Variants in HERC2 observed in about 807,000 individuals in gnomAD.
The protein encoded by HERC2 is E3 ubiquitin-protein ligase HERC2.
Under a neutral mutation model 537.7 loss-of-function variants are expected in HERC2, and 102 were observed. The ratio of observed to expected loss-of-function variants is 0.19; its 90% confidence interval spans 0.16 to 0.22. The LOEUF (loss-of-function observed/expected upper bound fraction) is 0.22, where lower values mean the gene tolerates loss of function less well. Ranked by LOEUF, HERC2 falls within the 10% of genes least tolerant of loss-of-function variation. The probability of loss-of-function intolerance (pLI) is 1.00; values close to 1 mark genes in which losing one functional copy is unlikely to be tolerated. For missense variants in HERC2, 4,236 were observed against 6,198.2 expected (o/e 0.68, Z 10.63); for synonymous variants, 2,224 against 2,466.2 (o/e 0.90, Z 2.91).
intron 35 of HERC2, among the ~76,000 whole-genome samples, chr15:28,225,005 T>A (rs1442681297): frequency 6.6e-6 from 1 of 152,204 alleles, no homozygotes; most frequent in Non-Finnish European, 1.5e-5. Context: ...GAAGGGGCAA[T>A]TATACTATGA....
chr15:28,226,199 G>T (rs1050444173), intron 35 of HERC2, among the ~76,000 whole-genome samples: 7 of 152,186 alleles, frequency 4.6e-5, no homozygotes, highest in African/African-American at 1.7e-4. Flanking sequence ...TGTTAAGATG[G>T]CACTATTCCC....
rs528934685 is a variant in HERC2, at chr15:28,305,958, C to G, written c.73-6442G>C. ...ATCATCACTGGCCATCAGAGAAATGCAAATCAAAACCACTATGAGATACCA... is the reference window on the plus strand; with the variant it reads ...ATCATCACTGGCCATCAGAGAAATGGAAATCAAAACCACTATGAGATACCA... On this transcript the variant is annotated intron_variant, in intron 2 of 92. Coordinates refer to ENST00000261609, the MANE Select transcript of HERC2 (RefSeq NM_004667.6). Among the ~76,000 whole-genome samples, 12 of 152,284 alleles carry G rather than the reference C, an allele frequency of 7.9e-5. No individual in the cohort carries two copies. In the South Asian group the frequency reaches 2.5e-3, roughly 32 times the overall value.
rs78497478 is a variant in HERC2 at position 28,314,864 on chromosome 15, A to G, written c.72+6498T>C. On this transcript the variant is annotated intron_variant, in intron 2 of 92. Transcript: ENST00000261609. ...CAACAGAGCAAGACTCCCTCTCAGG[A>G]AAAAAAAAAAAAAAATCATATGTCA... 3.0e-4 allele frequency among the ~76,000 whole-genome samples: 5 copies of G among 16,696 alleles called. No homozygotes were observed. The Non-Finnish European group carries it at 8.7e-3, about 29-fold the overall frequency. 11.0% of individuals were successfully genotyped at this position (16,696 alleles called of 152,430 possible).
chr15:28,111,588 C>A lies in HERC2; in HGVS notation c.*175G>T. 1.5e-6 allele frequency: 1 copy of A among 651,546 alleles called. No homozygotes were observed. The highest frequency in any genetic ancestry group is 2.0e-5 in the South Asian group (1 of 51,142). The allele number at this position is 651,546 out of a possible 1,614,324, so 40.4% of individuals were successfully genotyped here. On this transcript the variant is annotated 3_prime_UTR_variant, in exon 93 of 93. Coordinates refer to ENST00000261609, the MANE Select transcript of HERC2 (RefSeq NM_004667.6). ...GTCCACAGTGTTCCACGCGCACAGG[C>A]GGACCTTCTCACTGTCATTCCCATC...
At chr15:28,310,248 C>A (rs143659671) in intron 2 of HERC2, among the ~76,000 whole-genome samples, 1 of 152,220 alleles carries the variant, frequency 6.6e-6, no homozygotes. Context: ...GAGTACAAGA[C>A]CAGCCTGAAC....
chr15:28,149,303 G>C lies in HERC2; in HGVS notation c.10901-2959C>G, dbSNP rs565476022. Among the ~76,000 whole-genome samples, 3 of 147,536 alleles carry C rather than the reference G, an allele frequency of 2.0e-5. No homozygotes were observed. In the South Asian group the frequency reaches 6.6e-4, roughly 32 times the overall value. ...TACCGAAAAAACACACGCAGCTCCT[G>C]AGAACATCACCGAAAATGGCCACAC... On this transcript the variant is annotated intron_variant, in intron 70 of 92. Coordinates refer to ENST00000261609, the MANE Select transcript of HERC2 (RefSeq NM_004667.6).
chr15:28,145,522 C>A (rs187351366), intron 71 of HERC2, among the ~76,000 whole-genome samples: 1 of 152,200 alleles, frequency 6.6e-6, no homozygotes, highest in Non-Finnish European at 1.5e-5. Flanking sequence ...CCCACGCCCA[C>A]TGGGACCATA....
rs766860859 is a variant in HERC2 at position 28,201,491 on chromosome 15, C to T, written c.7681G>A (p.Asp2561Asn). The T allele has an allele frequency of 6.2e-7, 1 of 1,612,350 alleles. No homozygotes were observed. ...YKKRADFLSN[D>N]DYAVYVRENI... ...TCTCTCACATATACAGCATAATCAT[C>T]ATTACTCAAGAAATCAGCTCGTTTT... Residue 2561 changes from aspartate (D) to asparagine (N), a missense_variant, in exon 48 of 93, where the codon GAT becomes AAT. Asp to Asn is a conservative substitution (Grantham distance 23). This residue lies in a region of HERC2 where 606 missense variants were observed against 884.5 expected (regional missense o/e 0.69). Transcript: ENST00000261609.
chr15:28,270,776 C>T lies in HERC2; in HGVS notation c.1176G>A (p.Thr392=), dbSNP rs754842184. The change falls in exon 10 of 93, where the codon ACG becomes ACA. Residue 392 remains threonine (T), a synonymous_variant. Transcript: ENST00000261609. ...DNELAIDLRQ[T]AVVVMAHLDR... ...CTAAATGGGCCATGACAACAACCGC[C>T]GTTTGTCGCAGATCAATGGCAAGCT... The T allele has an allele frequency of 1.7e-5, 28 of 1,613,838 alleles. No homozygotes were observed. Among genetic ancestry groups the T allele is most frequent in the Non-Finnish European group, 2.0e-5 (24 of 1,179,880 alleles).
intron 40 of HERC2, 86 bp from the exon 41 acceptor site, chr15:28,214,358 G>A (rs1371674747): frequency 1.1e-5 from 13 of 1,178,068 alleles, no homozygotes; most frequent in African/African-American, 4.6e-5. Context: ...TCTAAGTGAC[G>A]GCACTGCGCC....
chr15:28,255,363 A>G (rs1567077511), intron 19 of HERC2, among the ~76,000 whole-genome samples: 4 of 152,192 alleles, frequency 2.6e-5, no homozygotes. Context: ...ACCAAAAGCA[A>G]TTAAACGTCC....
At chr15:28,305,737 A>C (rs1410464966) in intron 2 of HERC2, among the ~76,000 whole-genome samples, 1 of 140,590 alleles carries the variant, frequency 7.1e-6, no homozygotes, top group African/African-American at 2.6e-5. Flanking sequence ...CAGAGTGAAC[A>C]GGCAACCTAC....
intron 20 of HERC2, among the ~76,000 whole-genome samples, chr15:28,250,578 C>T (rs1348454194): frequency 2.0e-5 from 3 of 152,280 alleles, no homozygotes; most frequent in Non-Finnish European, 2.9e-5. Context: ...TGTGGCTCCT[C>T]GCCAGCATGT....
chr15:28,149,590 AC>A (rs1476094112), intron 70 of HERC2, among the ~76,000 whole-genome samples: 2 of 152,062 alleles, frequency 1.3e-5, no homozygotes, highest in African/African-American at 4.8e-5. Flanking sequence ...CCAAAAAAAC[AC>A]ACGCGGCTCC....
At chr15:28,201,686 T>C (rs1192592688) in intron 47 of HERC2, 132 bp from the exon 48 acceptor site, 1 of 667,530 alleles carries the variant, frequency 1.5e-6, no homozygotes, top group Non-Finnish European at 2.6e-6. Context: ...TATAAAAATC[T>C]TCATTTAAAA....
chr15:28,237,741 G>T (rs528324523), intron 25 of HERC2, among the ~76,000 whole-genome samples: 1 of 152,130 alleles, frequency 6.6e-6, no homozygotes, highest in Non-Finnish European at 1.5e-5. Context: ...GAATACATAG[G>T]AAGGACATAT....
At chr15:28,309,653 A>G (rs1439672745) in intron 2 of HERC2, among the ~76,000 whole-genome samples, 1 of 151,970 alleles carries the variant, frequency 6.6e-6, no homozygotes, top group East Asian at 1.9e-4. Context: ...AATTCTACCA[A>G]TGAGGACCTG....
chr15:28,191,256 C>T lies in HERC2; in HGVS notation c.8452-12G>A, dbSNP rs760479211. On this transcript the variant is annotated splice_polypyrimidine_tract_variant and intron_variant, in intron 53 of 92. Coordinates refer to ENST00000261609, the MANE Select transcript of HERC2 (RefSeq NM_004667.6). The stretch of plus-strand genomic sequence containing the variant: ...AAACGAATCCAGTGCTTTAGAAAAA[C>T]AAAAAAACCACATTCTCAGTTAGCA... The T allele has an allele frequency of 1.9e-6, 3 of 1,563,336 alleles. No individual in the cohort carries two copies. Among genetic ancestry groups the T allele is most frequent in the Non-Finnish European group, 2.6e-6 (3 of 1,142,992 alleles).
At chr15:28,120,546 G>C (rs900186748) in intron 86 of HERC2, among the ~76,000 whole-genome samples, 2 of 152,178 alleles carry the variant, frequency 1.3e-5, no homozygotes, top group Admixed American at 1.3e-4. Flanking sequence ...TTTTAACTGT[G>C]AGTTTATATA....
Sources: gnomAD v4.1 joint callset for allele counts (sites outside exome capture counted in the v4.1 genomes callset) on GRCh38, gnomAD v4.1.1 for gene constraint, gnomAD v4.1.1 regional missense constraint, MANE v1.5 for transcripts, NCBI Gene and HGNC (gene_info 2026-07-23, HGNC 2026-07-21) for gene names.